The following VWA3B variants were observed in gnomAD, a reference collection of about 807,000 sequenced individuals.
The protein encoded by VWA3B is von Willebrand factor A domain containing 3B, also known as von Willebrand factor A domain-containing protein 3B.
Under a neutral mutation model 158.3 loss-of-function variants are expected in VWA3B, and 138 were observed. That is an observed-to-expected ratio of 0.87 (90% confidence interval 0.76 to 1.00). The LOEUF (loss-of-function observed/expected upper bound fraction) is 1.00, where lower values mean the gene tolerates loss of function less well. Among genes scored for constraint, VWA3B ranks in the 50% least tolerant of loss-of-function variants. The pLI, the probability that VWA3B is intolerant of heterozygous loss-of-function variation, is 0.00. For missense variants in VWA3B, 1,555 were observed against 1,565.1 expected (o/e 0.99, Z 0.11); for synonymous variants, 596 against 587.3 (o/e 1.01, Z -0.21).
In VWA3B at chr2:98,279,083, G is replaced by A. The variant is rs745533578; in HGVS notation, c.3045+8200G>A. Reference sequence around the variant, plus strand: ...GTGAAGCTGAAATCCCAGAGGCAGTGAGAGGATGACAAAGAGAAAATGAAG... The same window carrying A: ...GTGAAGCTGAAATCCCAGAGGCAGTAAGAGGATGACAAAGAGAAAATGAAG... On this transcript the variant is annotated intron_variant, in intron 22 of 27. Transcript: ENST00000477737. Among the ~76,000 whole-genome samples the A allele has an allele frequency of 9.4e-4, 143 of 151,430 alleles. 1 individual carries two copies. Among genetic ancestry groups the A allele is most frequent in the South Asian group, 8.3e-4 (4 of 4,816 alleles).
chr2:98,268,528 T>G (rs1392148454), intron 21 of VWA3B, among the ~76,000 whole-genome samples: 1 of 152,160 alleles, frequency 6.6e-6, no homozygotes, highest in Non-Finnish European at 1.5e-5. Context: ...GGTTCTTTTT[T>G]ATAGTTTCTG....
At chr2:98,238,848 A>G (rs983601292) in intron 19 of VWA3B, among the ~76,000 whole-genome samples, 1 of 152,172 alleles carries the variant, frequency 6.6e-6, no homozygotes, top group African/African-American at 2.4e-5. Flanking sequence ...ATACATCCAT[A>G]CCATAAGGGA....
intron 10 of VWA3B, among the ~76,000 whole-genome samples, chr2:98,189,640 A>G (rs1681409906): frequency 6.6e-6 from 1 of 152,070 alleles, no homozygotes; most frequent in Admixed American, 6.6e-5. Flanking sequence ...GATTTTCTCT[A>G]GTTGTTCTAT....
At chr2:98,273,760 T>C (rs2105896393) in intron 22 of VWA3B, among the ~76,000 whole-genome samples, 1 of 152,282 alleles carries the variant, frequency 6.6e-6, no homozygotes, top group African/African-American at 2.4e-5. Flanking sequence ...CCATGGCCAG[T>C]CCCAGGTGTT....
chr2:98,263,729 G>A (rs1687622813), intron 21 of VWA3B, among the ~76,000 whole-genome samples: 1 of 151,956 alleles, frequency 6.6e-6, no homozygotes, highest in Admixed American at 6.6e-5. Flanking sequence ...GTCTGGTTAT[G>A]ATATCAGCGT....
Position 98,188,130 on chromosome 2 carries a change from G to A in VWA3B, c.1466+1G>A. 2 of 1,608,692 alleles carry A rather than the reference G, an allele frequency of 1.2e-6. No individual in the cohort carries two copies. The highest frequency in any genetic ancestry group is 1.7e-6 in the Non-Finnish European group (2 of 1,177,370). On this transcript the variant is annotated splice_donor_variant, in intron 10 of 27. Coordinates refer to ENST00000477737, the MANE Select transcript of VWA3B (RefSeq NM_144992.5). LOFTEE classifies it high-confidence loss of function. The stretch of plus-strand genomic sequence containing the variant: ...CAGCCCTGGCCCGGATCCGAAGGAG[G>A]TTGGTGTTATTTGCAGGAAGTTACA...
intron 19 of VWA3B, among the ~76,000 whole-genome samples, chr2:98,244,338 C>CA (rs1416613878): frequency 6.6e-6 from 1 of 152,150 alleles, no homozygotes. Context: ...ACAGTAAAAA[C>CA]AAAAAACATC....
chr2:98,225,700 A>G, intron 14 of VWA3B, among the ~76,000 whole-genome samples: 1 of 143,944 alleles, frequency 6.9e-6, no homozygotes, highest in Non-Finnish European at 1.6e-5. Context: ...ACCCCAGGAG[A>G]TCTACAAAAA....
chr2:98,274,147 T>C (rs1028002923), intron 22 of VWA3B, among the ~76,000 whole-genome samples: 6 of 152,124 alleles, frequency 3.9e-5, no homozygotes, highest in Admixed American at 3.3e-4. Context: ...CCCAGGGGGA[T>C]ACCTTATATT....
chr2:98,326,621 C>T, the VWA3B span, among the ~76,000 whole-genome samples: 2 of 151,936 alleles, frequency 1.3e-5, no homozygotes, highest in Non-Finnish European at 2.9e-5. Context: ...ATTAGCCAGG[C>T]GTGGTGGCAT....
At chr2:98,095,023 A>C (rs528373924) in intron 2 of VWA3B, among the ~76,000 whole-genome samples, 115 of 152,064 alleles carry the variant, frequency 7.6e-4, no homozygotes, top group Non-Finnish European at 1.2e-3. Context: ...TTTGATTACT[A>C]TAGTTTTGTA....
intron 20 of VWA3B, among the ~76,000 whole-genome samples, chr2:98,251,704 T>A (rs1686810847): frequency 1.3e-5 from 2 of 152,188 alleles, no homozygotes; most frequent in Admixed American, 1.3e-4. Flanking sequence ...TTGCAATGTG[T>A]CTAGCATGTG....
chr2:98,128,162 A>G (rs1236414788), intron 5 of VWA3B, 77 bp from the exon 6 acceptor site: 1 of 1,505,778 alleles, frequency 6.6e-7, no homozygotes, highest in Non-Finnish European at 9.0e-7. Context: ...CGTTTTGTAG[A>G]ATGGGTATTA....
chr2:98,092,416 G>A (rs749277618), intron 1 of VWA3B, among the ~76,000 whole-genome samples: 4 of 152,186 alleles, frequency 2.6e-5, no homozygotes, highest in Admixed American at 6.5e-5. Flanking sequence ...AGGCCAAGGC[G>A]GGCGGATCAC....
chr2:98,220,165 T>TAAAAAAAAAAAAAAA (rs58005028), intron 14 of VWA3B, among the ~76,000 whole-genome samples: 1 of 83,684 alleles, frequency 1.2e-5, no homozygotes. Flanking sequence ...ACCTGTCTCA[T>TAAAAAAAAAAAAAAA]AAAAAAAAAA....
intron 21 of VWA3B, among the ~76,000 whole-genome samples, chr2:98,260,153 T>G (rs1248786839): frequency 6.6e-6 from 1 of 151,792 alleles, no homozygotes; most frequent in Non-Finnish European, 1.5e-5. Context: ...ATATGGTCTA[T>G]CCCAGAAAAT....
chr2:98,145,972 T>C (rs187077117), intron 7 of VWA3B, among the ~76,000 whole-genome samples: 1 of 152,242 alleles, frequency 6.6e-6, no homozygotes, highest in Admixed American at 6.5e-5. Context: ...TGGCCTCAAG[T>C]GATCTTCCTG....
chr2:98,107,411 A>AT (rs1333536975), intron 2 of VWA3B, among the ~76,000 whole-genome samples: 2 of 151,896 alleles, frequency 1.3e-5, no homozygotes, highest in Non-Finnish European at 2.9e-5. Context: ...TAGAATTATT[A>AT]TTTTTTGTTT....
chr2:98,148,836 A>G (rs539698329), intron 7 of VWA3B, among the ~76,000 whole-genome samples: 21 of 152,152 alleles, frequency 1.4e-4, no homozygotes, highest in African/African-American at 4.3e-4. Flanking sequence ...TTCTCTTTCT[A>G]GTCTGAGGTT....
Sources: gnomAD v4.1 joint callset for allele counts (sites outside exome capture counted in the v4.1 genomes callset) on GRCh38, gnomAD v4.1.1 for gene constraint, MANE v1.5 for transcripts, NCBI Gene and HGNC (gene_info 2026-07-23, HGNC 2026-07-21) for gene names.